The following SUPT3H variants were observed in gnomAD, a reference collection of about 807,000 sequenced individuals.
The protein encoded by SUPT3H is SPT3 homolog, SAGA and STAGA complex component.
In SUPT3H, 44 loss-of-function variants were observed where a neutral mutation model predicts 44.3. The observed-to-expected ratio is 0.99, with a 90% CI of 0.78 to 1.28. The LOEUF is 1.28. Among genes scored for constraint, SUPT3H ranks in the 50% most tolerant of loss-of-function variants. The pLI is 0.00. For synonymous variants in SUPT3H, 124 were observed against 125.6 expected (o/e 0.99, Z 0.09); for missense variants, 380 against 387.1 (o/e 0.98, Z 0.15).
intron 2 of SUPT3H, among the ~76,000 whole-genome samples, chr6:45,110,221 T>G (rs1799847416): frequency 6.6e-6 from 1 of 152,194 alleles, no homozygotes; most frequent in African/African-American, 2.4e-5. Flanking sequence ...AATGTCTCAC[T>G]TCAACCTAGG....
intron 2 of SUPT3H, among the ~76,000 whole-genome samples, chr6:45,316,968 T>C (rs997681631): frequency 6.6e-6 from 1 of 152,110 alleles, no homozygotes; most frequent in Admixed American, 6.5e-5. Context: ...ATATGGAACC[T>C]GTAATCTCAG....
chr6:45,277,955 G>T (rs1777300094), intron 2 of SUPT3H, among the ~76,000 whole-genome samples: 1 of 152,142 alleles, frequency 6.6e-6, no homozygotes, highest in African/African-American at 2.4e-5. Flanking sequence ...CATAAAAAAG[G>T]ATGTGTTCAT....
chr6:44,843,927 GCACACACACACA>G (rs56329630), intron 10 of SUPT3H, among the ~76,000 whole-genome samples: 238 of 148,108 alleles, frequency 1.6e-3, no homozygotes, highest in African/African-American at 5.5e-3. Context: ...ACACACACAC[GCACACACACACA>G]CACACACACA....
intron 2 of SUPT3H, among the ~76,000 whole-genome samples, chr6:45,192,417 G>A (rs1427135581): frequency 6.6e-6 from 1 of 151,934 alleles, no homozygotes; most frequent in Non-Finnish European, 1.5e-5. Flanking sequence ...TGGTTAACTT[G>A]GGATCAGATG....
At chr6:45,192,486 A>G (rs1356791104) in intron 2 of SUPT3H, among the ~76,000 whole-genome samples, 1 of 152,170 alleles carries the variant, frequency 6.6e-6, no homozygotes, top group Non-Finnish European at 1.5e-5. Flanking sequence ...CTTTAATTTT[A>G]TGTTTTTAAA....
At chr6:45,328,071 T>A (rs1343029684) in intron 2 of SUPT3H, 3 of 279,316 alleles carry the variant, frequency 1.1e-5, no homozygotes, top group Non-Finnish European at 2.1e-5. Context: ...GCATTTGTAT[T>A]CTATCCAAAT....
intron 10 of SUPT3H, among the ~76,000 whole-genome samples, chr6:44,893,429 C>T (rs1023102125): frequency 3.8e-4 from 57 of 151,956 alleles, no homozygotes; most frequent in Non-Finnish European, 6.9e-4. Flanking sequence ...TTCCTGTGTC[C>T]ATGTGTTCTC....
At chr6:44,884,531 T>G (rs369748813) in intron 10 of SUPT3H, among the ~76,000 whole-genome samples, 5 of 152,128 alleles carry the variant, frequency 3.3e-5, no homozygotes, top group Non-Finnish European at 1.5e-5. Context: ...TAAAAACACA[T>G]GCACACATAT....
intron 3 of SUPT3H, among the ~76,000 whole-genome samples, chr6:45,029,476 A>G (rs1331136602): frequency 6.6e-6 from 1 of 151,750 alleles, no homozygotes; most frequent in Non-Finnish European, 1.5e-5. Context: ...AACAATAACT[A>G]TATATTTACT....
chr6:45,357,030 G>A (rs867526264), intron 2 of SUPT3H, among the ~76,000 whole-genome samples: 12 of 151,522 alleles, frequency 7.9e-5, no homozygotes, highest in South Asian at 2.1e-4. Flanking sequence ...TTTCTGAGAC[G>A]GAGTCTCACT....
At position 45,318,397 on chromosome 6, in the gene SUPT3H, A is replaced by G. The variant is rs566926806; in HGVS notation, c.101+46804T>C. On this transcript the variant is annotated intron_variant, in intron 2 of 10. Coordinates refer to ENST00000371459, the MANE Select transcript of SUPT3H (RefSeq NM_003599.4). ...GGTACAACATAAAGAAAAAATCCTAATGTAAACTGTGGACTTTAGCTAACT... is the reference window on the plus strand; with the variant it reads ...GGTACAACATAAAGAAAAAATCCTAGTGTAAACTGTGGACTTTAGCTAACT... 1.7e-4 allele frequency among the ~76,000 whole-genome samples: 26 copies of G among 152,260 alleles called. No homozygotes were observed. In the South Asian group the frequency reaches 3.1e-3, roughly 18 times the overall value.
intron 10 of SUPT3H, among the ~76,000 whole-genome samples, chr6:44,885,281 A>ACG (rs1778977434): frequency 6.6e-6 from 1 of 152,200 alleles, no homozygotes; most frequent in Admixed American, 6.5e-5. Context: ...CCCAGCATGC[A>ACG]GCTGGAGATC....
intron 2 of SUPT3H, among the ~76,000 whole-genome samples, chr6:45,204,250 A>AAAGAAGACGAAGAAGAAGAAGAAG (rs1554284623): frequency 7.0e-6 from 1 of 143,052 alleles, no homozygotes; most frequent in Non-Finnish European, 1.5e-5. Flanking sequence ...CCGTCTCAAA[A>AAAGAAGACGAAGAAGAAGAAGAAG]AAGAAGAAGA....
intron 2 of SUPT3H, among the ~76,000 whole-genome samples, chr6:45,236,988 T>C (rs1343450636): frequency 6.6e-6 from 1 of 152,150 alleles, no homozygotes; most frequent in East Asian, 1.9e-4. Flanking sequence ...CAGACTACAA[T>C]GGGCAAATTC....
chr6:45,185,644 T>A (rs535685486), intron 2 of SUPT3H, among the ~76,000 whole-genome samples: 1 of 152,300 alleles, frequency 6.6e-6, no homozygotes, highest in African/African-American at 2.4e-5. Context: ...CAAAACAAAT[T>A]ACATAAGCTT....
intron 2 of SUPT3H, among the ~76,000 whole-genome samples, chr6:45,183,231 T>C (rs1430205059): frequency 6.6e-6 from 1 of 152,192 alleles, no homozygotes; most frequent in Non-Finnish European, 1.5e-5. Flanking sequence ...ACAAATATTG[T>C]ATGACTTCAC....
chr6:45,065,584 GA>G (rs1167908714), intron 3 of SUPT3H, among the ~76,000 whole-genome samples: 1 of 151,562 alleles, frequency 6.6e-6, no homozygotes, highest in Non-Finnish European at 1.5e-5. Context: ...AAGAAAAAAA[GA>G]GACAAGAATC....
intron 4 of SUPT3H, among the ~76,000 whole-genome samples, chr6:45,019,327 T>C (rs1432653846): frequency 6.6e-6 from 1 of 151,912 alleles, no homozygotes; most frequent in Non-Finnish European, 1.5e-5. Context: ...TTTTGAAGGG[T>C]TTTTTTGTGT....
chr6:45,334,533 T>C (rs1788164541), intron 2 of SUPT3H, among the ~76,000 whole-genome samples: 1 of 150,146 alleles, frequency 6.7e-6, no homozygotes, highest in African/African-American at 2.4e-5. Context: ...TACATATATA[T>C]GCAGTCTTTC....
Sources: allele counts gnomAD v4.1 joint callset (sites outside exome capture counted in the v4.1 genomes callset), GRCh38; gene constraint gnomAD v4.1.1; transcripts MANE v1.5; gene names NCBI Gene and HGNC (gene_info 2026-07-23, HGNC 2026-07-21).